Variants in RTF2 observed in about 807,000 individuals in gnomAD.
RTF2 encodes replication termination factor 2, also known as UPF0549 protein C20orf43.
In RTF2, 18 loss-of-function variants were observed where a neutral mutation model predicts 38.0. The observed-to-expected ratio is 0.47, with a 90% confidence interval of 0.33 to 0.70. The LOEUF (loss-of-function observed/expected upper bound fraction) is 0.70. Ranked by LOEUF, RTF2 falls within the 30% of genes least tolerant of loss-of-function variation. RTF2 has a pLI of 0.02. For synonymous variants in RTF2, 126 were observed against 137.1 expected, an observed-to-expected ratio of 0.92 and a Z score of 0.57; for missense variants, 311 against 379.6, an observed-to-expected ratio of 0.82 and a Z score of 1.50.
At chr20:56,496,462 C>A (rs552067861) in intron 5 of RTF2, among the ~76,000 whole-genome samples, 1 of 152,158 alleles carries the variant, frequency 6.6e-6, no homozygotes. Flanking sequence ...GTGGGAGAAT[C>A]GCGTGAACCC....
At chr20:56,476,752 G>T (rs1351877277) in intron 3 of RTF2, among the ~76,000 whole-genome samples, 8 of 152,102 alleles carry the variant, frequency 5.3e-5, no homozygotes, top group Non-Finnish European at 1.2e-4. Context: ...GCCTGCCTCG[G>T]CCTCCCAAAG....
chr20:56,500,217 G>A (rs1458501941), intron 5 of RTF2, among the ~76,000 whole-genome samples: 1 of 151,806 alleles, frequency 6.6e-6, no homozygotes, highest in Non-Finnish European at 1.5e-5. Context: ...ACCACACTCA[G>A]CTAATTTTGT....
intron 5 of RTF2, chr20:56,496,838 G>C: frequency 6.4e-7 from 1 of 1,551,792 alleles, no homozygotes. Flanking sequence ...GAGGTGCATA[G>C]ATACTTCCTT....
In RTF2 at chr20:56,518,160, T is replaced by G. The variant is rs1479867473; in HGVS notation, c.816T>G (p.Ser272Arg). Residue 272 changes from serine (S) to arginine (R), a missense_variant, in exon 9 of 9, where the codon AGT becomes AGG. Ser to Arg is a moderately radical substitution (Grantham distance 110). Coordinates refer to ENST00000357348, the MANE Select transcript of RTF2 (RefSeq NM_016407.5). ...CCACAAAGAGGTCCATCGCTGACAG[T>G]GAAGAATCGGAGGCCTACAAGTCCC... ...CGATKRSIAD[S>R]EESEAYKSLF... 1 of 1,614,104 alleles carries G rather than the reference T, an allele frequency of 6.2e-7. No individual in the cohort carries two copies. Among genetic ancestry groups the G allele is most frequent in the Non-Finnish European group, 8.5e-7 (1 of 1,180,012 alleles).
chr20:56,504,879 G>A (rs1389062019), intron 5 of RTF2, among the ~76,000 whole-genome samples: 3 of 152,324 alleles, frequency 2.0e-5, no homozygotes, highest in East Asian at 1.9e-4. Context: ...CTGCTCATGG[G>A]GTGCCTCTGA....
chr20:56,497,290 C>T, intron 5 of RTF2: 10 of 1,550,928 alleles, frequency 6.4e-6, no homozygotes, highest in African/African-American at 2.7e-5. Context: ...GAGAAATCGC[C>T]CTCTTCTGCA....
At chr20:56,476,502 CTTTTTTTT>C (rs11472534) in intron 3 of RTF2, among the ~76,000 whole-genome samples, 4 of 142,288 alleles carry the variant, frequency 2.8e-5, no homozygotes, top group Non-Finnish European at 6.1e-5. Context: ...TTTCTGTTTT[CTTTTTTTT>C]TTTTTTGAGA....
intron 1 of RTF2, among the ~76,000 whole-genome samples, chr20:56,473,045 T>G (rs1021422738): frequency 5.9e-5 from 9 of 152,100 alleles, no homozygotes; most frequent in African/African-American, 2.2e-4. Context: ...GTGGAAGGTT[T>G]GCTTCAGTCC....
At chr20:56,506,739 C>T (rs1343998549) in intron 5 of RTF2, among the ~76,000 whole-genome samples, 1 of 151,832 alleles carries the variant, frequency 6.6e-6, no homozygotes, top group Non-Finnish European at 1.5e-5. Context: ...CTCGCTCTGT[C>T]GCCCAGGCTG....
chr20:56,517,314 A>G lies in RTF2; in HGVS notation c.742+113A>G, dbSNP rs1415304307. The stretch of plus-strand genomic sequence containing the variant: ...GGGAAGCCCAAGCCTGTCCTATGTC[A>G]TGTCTCTAGAGAGTGCACTGAACTC... On this transcript the variant is annotated intron_variant, in intron 8 of 8. Coordinates refer to ENST00000357348, the MANE Select transcript of RTF2 (RefSeq NM_016407.5). 3.8e-6 allele frequency: 3 copies of G among 791,584 alleles called. No individual in the cohort carries two copies. The Admixed American group carries it at 6.2e-5, about 16-fold the overall frequency. The allele number at this position is 791,584 out of a possible 1,614,324, so 49.0% of individuals were successfully genotyped here. A position where few individuals can be genotyped will look rare whatever the true frequency, so the allele number is the denominator to read the frequency against.
At chr20:56,495,017 T>C (rs1488198867) in intron 5 of RTF2, among the ~76,000 whole-genome samples, 1 of 152,200 alleles carries the variant, frequency 6.6e-6, no homozygotes, top group African/African-American at 2.4e-5. Context: ...TGTGTACTTT[T>C]CTGTATGAAT....
chr20:56,511,255 C>T (rs1313934031), intron 5 of RTF2, among the ~76,000 whole-genome samples: 1 of 152,154 alleles, frequency 6.6e-6, no homozygotes, highest in East Asian at 1.9e-4. Flanking sequence ...AGGTGAGCCA[C>T]AGGCGAGAGA....
At chr20:56,477,922 G>T (rs1982340241) in intron 4 of RTF2, among the ~76,000 whole-genome samples, 1 of 152,218 alleles carries the variant, frequency 6.6e-6, no homozygotes, top group Non-Finnish European at 1.5e-5. Context: ...AGATTCTCTG[G>T]CTGTAGCACT....
At chr20:56,474,454 C>T (rs1035383156) in intron 2 of RTF2, among the ~76,000 whole-genome samples, 10 of 152,076 alleles carry the variant, frequency 6.6e-5, no homozygotes, top group African/African-American at 2.2e-4. Context: ...GCACTCCAGC[C>T]GGGGTGACAA....
chr20:56,513,882 A>G (rs1266024529), intron 6 of RTF2: 2 of 163,342 alleles, frequency 1.2e-5, no homozygotes, highest in African/African-American at 4.8e-5. Context: ...CATCCCAGCA[A>G]AATGTAAGGC....
In RTF2 at chr20:56,484,197, C is replaced by A. The variant is rs978119406; in HGVS notation, c.477+8C>A. ...GCGGAAGTTTGCCACACGGTGAGTTCCTGACATGTACCATTTGTTCCTTCT... is the reference window on the plus strand; with the variant it reads ...GCGGAAGTTTGCCACACGGTGAGTTACTGACATGTACCATTTGTTCCTTCT... On this transcript the variant is annotated splice_region_variant and intron_variant, in intron 5 of 8. Coordinates refer to ENST00000357348, the MANE Select transcript of RTF2 (RefSeq NM_016407.5). 2.5e-6 allele frequency: 4 copies of A among 1,607,072 alleles called. No homozygotes were observed. Among genetic ancestry groups the A allele is most frequent in the Non-Finnish European group, 3.4e-6 (4 of 1,173,678 alleles).
chr20:56,485,243 G>A (rs1259192288), intron 5 of RTF2, among the ~76,000 whole-genome samples: 2 of 152,224 alleles, frequency 1.3e-5, no homozygotes, highest in Non-Finnish European at 2.9e-5. Flanking sequence ...GCACGAGGGA[G>A]CCAGCTGTGC....
chr20:56,493,681 A>G (rs1183320928), intron 5 of RTF2, among the ~76,000 whole-genome samples: 1 of 146,030 alleles, frequency 6.8e-6, no homozygotes, highest in African/African-American at 2.4e-5. Flanking sequence ...AAGACTACAA[A>G]TATGAAGACT....
At chr20:56,485,395 G>A (rs916042005) in intron 5 of RTF2, among the ~76,000 whole-genome samples, 5 of 152,204 alleles carry the variant, frequency 3.3e-5, no homozygotes, top group Non-Finnish European at 7.3e-5. Context: ...AAAGAGTTAG[G>A]CAGGGGTCAT....
Sources: gnomAD v4.1 joint callset for allele counts (sites outside exome capture counted in the v4.1 genomes callset) on GRCh38, gnomAD v4.1.1 for gene constraint, MANE v1.5 for transcripts, NCBI Gene and HGNC (gene_info 2026-07-23, HGNC 2026-07-21) for gene names.